The following CLSTN1 variants were observed in gnomAD, a reference collection of about 807,000 sequenced individuals.
CLSTN1 encodes the protein calsyntenin-1.
In CLSTN1, 28 loss-of-function variants were observed where a neutral mutation model predicts 108.3. The observed-to-expected ratio is 0.26, with a 90% CI of 0.19 to 0.35. The LOEUF (loss-of-function observed/expected upper bound fraction) is 0.35. Ranked by LOEUF, CLSTN1 falls within the 10% of genes least tolerant of loss-of-function variation. The pLI is 1.00. For synonymous variants in CLSTN1, 524 were observed against 534.9 expected (o/e 0.98, Z 0.28); for missense variants, 1,157 against 1,302.6 (o/e 0.89, Z 1.72).
At chr1:9,772,530 A>G (rs1387855289) in intron 2 of CLSTN1, among the ~76,000 whole-genome samples, 1 of 152,188 alleles carries the variant, frequency 6.6e-6, no homozygotes, top group Non-Finnish European at 1.5e-5. Context: ...AATTAACTTT[A>G]CAATGTCAAC....
rs775960617 is a variant in CLSTN1 at position 9,741,248 on chromosome 1, A to G, written c.1365T>C (p.Asp455=). ...TGAGGACGTAGTGGTGCCATTCCTC[A>G]TCACAGACCTACAGAGGCAAAGGGA... ...EFHWKLNQVC[D]EEWHHYVLNV... is the part of the protein sequence containing the mutation. The change falls in exon 10 of 19, where the codon GAT becomes GAC. Residue 455 remains aspartate, a synonymous_variant. Coordinates refer to ENST00000377298, the MANE Select transcript of CLSTN1 (RefSeq NM_001009566.3). The G allele has an allele frequency of 6.2e-7, 1 of 1,609,328 alleles. No individual in the cohort carries two copies. Among genetic ancestry groups the G allele is most frequent in the Non-Finnish European group, 8.5e-7 (1 of 1,175,938 alleles).
At chr1:9,814,739 G>A (rs1654903626) in intron 1 of CLSTN1, among the ~76,000 whole-genome samples, 1 of 151,896 alleles carries the variant, frequency 6.6e-6, no homozygotes, top group South Asian at 2.1e-4. Flanking sequence ...GGAAGATCCC[G>A]TCTCTACAAA....
In CLSTN1 at chr1:9,734,982, C is replaced by T. The variant is rs747709224; in HGVS notation, c.2076G>A (p.Val692=). 2 of 1,614,218 alleles carry T rather than the reference C, an allele frequency of 1.2e-6. No homozygotes were observed. Among genetic ancestry groups the T allele is most frequent in the Admixed American group, 3.3e-5 (2 of 60,028 alleles). ...LRIISTITRE[V]EPEGDGAEDP... ...CCTCAGCCCCGTCCCCTTCAGGCTC[C>T]ACTTCTCTCGTGATGGTGCTGATGA... The change falls in exon 14 of 19, where the codon GTG becomes GTA. Residue 692 remains valine (V), a synonymous_variant. Coordinates refer to ENST00000377298, the MANE Select transcript of CLSTN1 (RefSeq NM_001009566.3). This position sits in a 1 kb window ranked among gnomAD's most constrained non-coding sequence, Gnocchi z 4.8.
chr1:9,797,620 G>C (rs560388834), intron 1 of CLSTN1, among the ~76,000 whole-genome samples: 28 of 152,122 alleles, frequency 1.8e-4, no homozygotes, highest in Admixed American at 1.5e-3. Flanking sequence ...CAGTCTGGGT[G>C]ACAAAGCAAG....
chr1:9,769,468 G>A (rs993484691), intron 2 of CLSTN1, among the ~76,000 whole-genome samples: 1 of 152,174 alleles, frequency 6.6e-6, no homozygotes, highest in Non-Finnish European at 1.5e-5. Flanking sequence ...ACAAAAAAAG[G>A]AATGAGGGGC....
At chr1:9,796,196 AG>A (rs1185100263) in intron 1 of CLSTN1, among the ~76,000 whole-genome samples, 4 of 148,044 alleles carry the variant, frequency 2.7e-5, no homozygotes, top group African/African-American at 9.9e-5. Flanking sequence ...TAGGAGGCAG[AG>A]GTTGCAGTGA....
chr1:9,768,055 A>G (rs1248867615), intron 2 of CLSTN1, among the ~76,000 whole-genome samples: 1 of 152,186 alleles, frequency 6.6e-6, no homozygotes, highest in Non-Finnish European at 1.5e-5. Flanking sequence ...GGAGGCACAG[A>G]AAGGGTAAGT....
chr1:9,751,785 T>C, intron 4 of CLSTN1, 104 bp from the exon 5 acceptor site: 3 of 954,098 alleles, frequency 3.1e-6, no homozygotes, highest in Non-Finnish European at 4.7e-6. Context: ...TACTTTAAAA[T>C]TTCCTGTTTC....
intron 10 of CLSTN1, among the ~76,000 whole-genome samples, chr1:9,739,346 C>T (rs901679328): frequency 1.3e-5 from 2 of 152,312 alleles, no homozygotes; most frequent in South Asian, 2.1e-4. Flanking sequence ...GGACCTGCTG[C>T]TAAAGCTGGT....
intron 2 of CLSTN1, among the ~76,000 whole-genome samples, chr1:9,763,119 G>A (rs1279166705): frequency 1.3e-5 from 2 of 151,892 alleles, no homozygotes; most frequent in Admixed American, 6.6e-5. Context: ...ACACCACCAC[G>A]CCTGGCTAAT....
At chr1:9,732,271 T>G (rs1218229175) in intron 16 of CLSTN1, among the ~76,000 whole-genome samples, 1 of 152,162 alleles carries the variant, frequency 6.6e-6, no homozygotes, top group African/African-American at 2.4e-5. Flanking sequence ...TGATCACGGC[T>G]CACTGCAGCC....
chr1:9,749,687 A>C, intron 6 of CLSTN1, 41 bp from the exon 7 acceptor site: 2 of 1,611,362 alleles, frequency 1.2e-6, no homozygotes. Flanking sequence ...AGAGAAGGAA[A>C]ACACACACTC....
At chr1:9,764,420 T>C (rs1358728081) in intron 2 of CLSTN1, among the ~76,000 whole-genome samples, 2 of 152,160 alleles carry the variant, frequency 1.3e-5, no homozygotes, top group African/African-American at 4.8e-5. Flanking sequence ...GTGGATCACT[T>C]GAGGTCTGGG....
At position 9,755,170 on chromosome 1, in the gene CLSTN1, G is replaced by T; in HGVS notation, c.384C>A (p.Ile128=). 6.2e-7 allele frequency: 1 copy of T among 1,614,106 alleles called. No individual in the cohort carries two copies. Among genetic ancestry groups the T allele is most frequent in the Admixed American group, 1.7e-5 (1 of 60,002 alleles). ...GTCCCTTCCCACAATCATAGGCCTG[G>T]ATGGTGAATGAATAGTCTTTCTGCA... ...CELQKDYSFT[I]QAYDCGKGPD... is the part of the protein sequence containing the mutation. The change falls in exon 4 of 19, where the codon ATC becomes ATA. Residue 128 remains isoleucine (I), a synonymous_variant. Coordinates refer to ENST00000377298, the MANE Select transcript of CLSTN1 (RefSeq NM_001009566.3).
chr1:9,778,116 C>T (rs949633903), intron 1 of CLSTN1, among the ~76,000 whole-genome samples: 3 of 151,928 alleles, frequency 2.0e-5, no homozygotes, highest in East Asian at 1.9e-4. Flanking sequence ...TCTCATAGGT[C>T]GTTGTGTGAT....
chr1:9,740,386 C>T (rs1650920342), intron 10 of CLSTN1, among the ~76,000 whole-genome samples: 1 of 152,170 alleles, frequency 6.6e-6, no homozygotes, highest in Non-Finnish European at 1.5e-5. Context: ...TAAAAAAATT[C>T]AAAACCCTGG....
chr1:9,808,749 T>C (rs955265145), intron 1 of CLSTN1, among the ~76,000 whole-genome samples: 4 of 152,026 alleles, frequency 2.6e-5, no homozygotes, highest in Admixed American at 1.3e-4. Context: ...CGGACTCACA[T>C]TGGTTGGCCA....
chr1:9,783,756 G>A (rs1045823676), intron 1 of CLSTN1, among the ~76,000 whole-genome samples: 4 of 152,122 alleles, frequency 2.6e-5, no homozygotes, highest in African/African-American at 9.7e-5. Context: ...ACTTTGGGAG[G>A]CCAAGGTGAG....
At chr1:9,822,307 A>T (rs1416907320) in intron 1 of CLSTN1, among the ~76,000 whole-genome samples, 2 of 152,242 alleles carry the variant, frequency 1.3e-5, no homozygotes, top group Admixed American at 6.5e-5. Flanking sequence ...AGTCAACAGA[A>T]TGTTAGAAAT....
Sources: gnomAD v4.1 joint callset for allele counts (sites outside exome capture counted in the v4.1 genomes callset) on GRCh38, gnomAD v4.1.1 for gene constraint, Gnocchi (gnomAD v3.1) non-coding constraint, MANE v1.5 for transcripts, NCBI Gene and HGNC (gene_info 2026-07-23, HGNC 2026-07-21) for gene names.